The following INPPL1 variants were observed in gnomAD, a reference collection of about 807,000 sequenced individuals.
The protein encoded by INPPL1 is inositol polyphosphate phosphatase like 1.
In INPPL1, 91 loss-of-function variants were observed where a neutral mutation model predicts 139.3. The observed-to-expected ratio is 0.65, with a 90% CI of 0.55 to 0.78. INPPL1 has a LOEUF of 0.78. INPPL1 is among the 30% of genes least tolerant of loss of function. The pLI is 0.00. For missense variants in INPPL1, 1,411 were observed against 1,665.6 expected (o/e 0.85, Z 2.66); for synonymous variants, 719 against 686.6 (o/e 1.05, Z -0.74).
chr11:72,233,007 G>T (rs917111718), intron 16 of INPPL1, 33 bp downstream of exon 16: 9 of 1,609,978 alleles, frequency 5.6e-6, no homozygotes, highest in African/African-American at 1.3e-5. Context: ...GTGATCTGAG[G>T]GCTAGGAGAC....
At chr11:72,231,416 C>T in intron 12 of INPPL1, 82 bp from the exon 13 acceptor site, 1 of 1,173,598 alleles carries the variant, frequency 8.5e-7, no homozygotes, top group Non-Finnish European at 1.3e-6. Flanking sequence ...CTGTGATGGA[C>T]ACAAAAGTCT....
At position 72,233,457 on chromosome 11, in the gene INPPL1, C is replaced by G. The variant is rs1397855924; in HGVS notation, c.2057C>G (p.Pro686Arg). Reference sequence around the variant, plus strand: ...CTGCCCCAGGTCCGGACCAATGTGCCCTCATGGTGTGACCGGATTCTGTGG... The same window carrying G: ...CTGCCCCAGGTCCGGACCAATGTGCGCTCATGGTGTGACCGGATTCTGTGG... ...QKPTGVRTNV[P>R]SWCDRILWKS... Residue 686 changes from proline to arginine, a missense_variant, in exon 18 of 28, where the codon CCC becomes CGC. Physicochemically the swap from Pro to Arg is moderately radical, Grantham distance 103. Coordinates refer to ENST00000298229, the MANE Select transcript of INPPL1 (RefSeq NM_001567.4). The G allele has an allele frequency of 6.2e-7, 1 of 1,614,062 alleles. No homozygotes were observed. The highest frequency in any genetic ancestry group is 8.5e-7 in the Non-Finnish European group (1 of 1,180,026).
At chr11:72,226,269 C>T (rs1948671255) in intron 1 of INPPL1, among the ~76,000 whole-genome samples, 1 of 151,528 alleles carries the variant, frequency 6.6e-6, no homozygotes, top group Non-Finnish European at 1.5e-5. Context: ...CAACCTCCGC[C>T]TCCTGGATTC....
Position 72,229,593 on chromosome 11 carries a change from G to A in INPPL1, c.753+35G>A, listed in dbSNP as rs771023319. 7.4e-6 allele frequency: 12 copies of A among 1,612,448 alleles called. No individual in the cohort carries two copies. In the Middle Eastern group the frequency reaches 1.5e-3, roughly 200 times the overall value. On this transcript the variant is annotated intron_variant, in intron 6 of 27. Transcript: ENST00000298229. ...AGGGAGACCTCTGGGAGGTGCGTTC[G>A]TGTTCTGGAGCTGGGTGGGAGGCTC...
rs1174127004 is a variant in INPPL1 at position 72,229,973 on chromosome 11, A to C, written c.893A>C (p.Gln298Pro). The C allele has an allele frequency of 1.2e-6, 2 of 1,614,180 alleles. No individual in the cohort carries two copies. Among genetic ancestry groups the C allele is most frequent in the Admixed American group, 3.3e-5 (2 of 60,032 alleles). Residue 298 changes from glutamine to proline, a missense_variant, in exon 8 of 28, where the codon CAG becomes CCG. This residue lies in a region of INPPL1 where 504 missense variants were observed against 595.6 expected (regional missense o/e 0.85). Coordinates refer to ENST00000298229, the MANE Select transcript of INPPL1 (RefSeq NM_001567.4). ...DMSSTAPPAPQPSTRKAKTIP... is the reference protein window; with the variant it reads ...DMSSTAPPAPPPSTRKAKTIP... The stretch of plus-strand genomic sequence containing the variant: ...AGCTCCACAGCACCCCCAGCTCCGC[A>C]GCCATCCACACGTAAGGCCAAGACC...
At position 72,232,764 on chromosome 11, in the gene INPPL1, G is replaced by C; in HGVS notation, c.1851G>C (p.Gln617His). The C allele has an allele frequency of 6.2e-7, 1 of 1,614,024 alleles. No individual in the cohort carries two copies. The highest frequency in any genetic ancestry group is 1.6e-4 in the Middle Eastern group (1 of 6,062). The change falls in exon 15 of 28, where the codon CAG (glutamine) becomes CAC (histidine). Residue 617 changes from glutamine (Q) to histidine (H), a missense_variant and splice_region_variant. By Grantham distance (24) the Gln-to-His change is conservative (BLOSUM62 0). Coordinates refer to ENST00000298229, the MANE Select transcript of INPPL1 (RefSeq NM_001567.4). ...ACTACCGCCTGGACATGGATATCCAGGTGCGAGCAGGGCCCTGCCATGGCT... is the reference window on the plus strand; with the variant it reads ...ACTACCGCCTGGACATGGATATCCACGTGCGAGCAGGGCCCTGCCATGGCT... ...DLNYRLDMDI[Q>H]EILNYISRKE...
In INPPL1 at chr11:72,233,681, G is replaced by A. The variant is rs1395218564; in HGVS notation, c.2149G>A (p.Asp717Asn). The A allele has an allele frequency of 2.5e-6, 4 of 1,613,956 alleles. No individual in the cohort carries two copies. Among genetic ancestry groups the A allele is most frequent in the East Asian group, 2.2e-5 (1 of 44,894 alleles). The change falls in exon 19 of 28, where the codon GAC (aspartate) becomes AAC (asparagine). Residue 717 changes from aspartate to asparagine, a missense_variant. This residue lies in a region of INPPL1 where 363 missense variants were observed against 446.2 expected (regional missense o/e 0.81). Coordinates refer to ENST00000298229, the MANE Select transcript of INPPL1 (RefSeq NM_001567.4). Reference protein sequence around the residue: ...YGCTDDIVTSDHSPVFGTFEV... With the variant: ...YGCTDDIVTSNHSPVFGTFEV... ...TTGCACTGATGACATCGTCACCAGC[G>A]ACCATTCCCCCGTGTTTGGGACATT...
Position 72,232,886 on chromosome 11 carries a change from C to T in INPPL1, c.1863C>T (p.Asn621=). The change falls in exon 16 of 28, where the codon AAC becomes AAT. Residue 621 remains asparagine, a synonymous_variant. Coordinates refer to ENST00000298229, the MANE Select transcript of INPPL1 (RefSeq NM_001567.4). The part of the protein sequence containing the change: ...RLDMDIQEIL[N]YISRKEFEPL... ...GTCCTCCACCCCAGGAGATCCTGAA[C>T]TACATCAGCAGGAAAGAGTTTGAGC... The T allele has an allele frequency of 6.2e-7, 1 of 1,614,118 alleles. No individual in the cohort carries two copies. The highest frequency in any genetic ancestry group is 1.1e-5 in the South Asian group (1 of 91,080).
At position 72,224,899 on chromosome 11, in the gene INPPL1, G is replaced by T; in HGVS notation, c.-86G>T. The T allele has an allele frequency of 1.1e-6, 1 of 948,298 alleles. No homozygotes were observed. Among genetic ancestry groups the T allele is most frequent in the Non-Finnish European group, 1.3e-6 (1 of 786,044 alleles). 58.7% of individuals were successfully genotyped at this position (948,298 alleles called of 1,614,324 possible). ...CACGGATCCTCAAGCCCGGGCCCCGGGCCCGGCCCCAGCCTCAGCCCTGAG... is the reference window on the plus strand; with the variant it reads ...CACGGATCCTCAAGCCCGGGCCCCGTGCCCGGCCCCAGCCTCAGCCCTGAG... On this transcript the variant is annotated 5_prime_UTR_variant, in exon 1 of 28. Coordinates refer to ENST00000298229, the MANE Select transcript of INPPL1 (RefSeq NM_001567.4).
rs746371096 is a variant in INPPL1, at chr11:72,234,732, A to AGAGTGTGT, written c.2415+118_2415+119insAGTGTGTG. On this transcript the variant is annotated intron_variant, in intron 21 of 27. Coordinates refer to ENST00000298229, the MANE Select transcript of INPPL1 (RefSeq NM_001567.4). The surrounding 1 kb of genome is among the most constrained non-coding windows in gnomAD (Gnocchi z 4.2). ...GGGGCCAGCAGAGAGAGAGAGAGAG[A>AGAGTGTGT]GTGTGTGTGTGTGTGTGTGTGTGTG... The AGAGTGTGT allele has an allele frequency of 7.5e-4, 394 of 528,426 alleles. 1 individual carries two copies. The highest frequency in any genetic ancestry group is 5.1e-3 in the African/African-American group (249 of 48,572). 32.7% of individuals were successfully genotyped at this position (528,426 alleles called of 1,614,324 possible).
chr11:72,223,727 G>C (rs1292684919), upstream of INPPL1: 3 of 151,876 alleles, frequency 2.0e-5, no homozygotes, highest in South Asian at 2.0e-4. Flanking sequence ...GCGGGAAGCC[G>C]ACGCTCAACC....
intron 25 of INPPL1, among the ~76,000 whole-genome samples, chr11:72,236,302 G>A (rs894008286): frequency 7.9e-5 from 12 of 152,224 alleles, no homozygotes; most frequent in East Asian, 7.7e-4. Flanking sequence ...CACATGGCTC[G>A]GCCTGGGATT....
At position 72,238,043 on chromosome 11, in the gene INPPL1, C is replaced by G. The variant is rs769044302; in HGVS notation, c.3554C>G (p.Ala1185Gly). Reference sequence around the variant, plus strand: ...CCCTGACATGCCCTGTTTCCTTAGGCTCCGTGCCTGCAGGGCGGGCGGGCC... The same window carrying G: ...CCCTGACATGCCCTGTTTCCTTAGGGTCCGTGCCTGCAGGGCGGGCGGGCC... ...ESIQEDLAEE[A>G]PCLQGGRASG... Residue 1185 changes from alanine to glycine, a missense_variant and splice_region_variant, in exon 27 of 28, where the codon GCT (alanine) becomes GGT (glycine). Ala to Gly is a moderately conservative substitution (Grantham distance 60). Around this residue, in one of 5 missense-constraint regions of INPPL1, gnomAD observed 438 missense variants for 425.7 expected, o/e 1.03. Transcript: ENST00000298229. 2 of 1,538,532 alleles carry G rather than the reference C, an allele frequency of 1.3e-6. No individual in the cohort carries two copies. Among genetic ancestry groups the G allele is most frequent in the Admixed American group, 2.0e-5 (1 of 49,578 alleles).
At position 72,230,245 on chromosome 11, in the gene INPPL1, A is replaced by G; in HGVS notation, c.1064A>G (p.Asp355Gly). 2 of 1,609,206 alleles carry G rather than the reference A, an allele frequency of 1.2e-6. No individual in the cohort carries two copies. Among genetic ancestry groups the G allele is most frequent in the Non-Finnish European group, 1.7e-6 (2 of 1,176,836 alleles). The change falls in exon 9 of 28, where the codon GAC becomes GGC. Residue 355 changes from aspartate to glycine, a missense_variant. Physicochemically the swap from Asp to Gly is moderately conservative, Grantham distance 94. Around this residue, in one of 5 missense-constraint regions of INPPL1, gnomAD observed 504 missense variants for 595.6 expected, o/e 0.85. Coordinates refer to ENST00000298229, the MANE Select transcript of INPPL1 (RefSeq NM_001567.4). ...CGGAGACAGCGGGACTCCCAGGAGG[A>G]CTGGACCACCTTCACGCACGACCGC... is the stretch of plus-strand genomic sequence containing the variant. ...LLRRQRDSQE[D>G]WTTFTHDRIR...
Position 72,228,689 on chromosome 11 carries a change from G to A in INPPL1, c.398-38G>A. The A allele has an allele frequency of 6.2e-7, 1 of 1,600,516 alleles. No homozygotes were observed. The highest frequency in any genetic ancestry group is 8.5e-7 in the Non-Finnish European group (1 of 1,173,004). On this transcript the variant is annotated intron_variant, in intron 3 of 27. Coordinates refer to ENST00000298229, the MANE Select transcript of INPPL1 (RefSeq NM_001567.4). This position sits in a 1 kb window ranked among gnomAD's most constrained non-coding sequence, Gnocchi z 5.0. The stretch of plus-strand genomic sequence containing the variant: ...CGTGCCTCCTACTCCACTGAGTGTG[G>A]GAGGCCCAAACGGCTGCCCACTGAC...
Position 72,228,937 on chromosome 11 carries a change from C to A in INPPL1, c.518+90C>A. 1 of 1,521,274 alleles carries A rather than the reference C, an allele frequency of 6.6e-7. No individual in the cohort carries two copies. The highest frequency in any genetic ancestry group is 2.3e-5 in the East Asian group (1 of 43,956). The allele number at this position is 1,521,274 out of a possible 1,614,324, so 94.2% of individuals were successfully genotyped here. ...AAAGGTGGGGAGGCCTTCTAAGACC[C>A]CACCAGGGACCCCCACCCCACCTCA... is the stretch of plus-strand genomic sequence containing the variant. On this transcript the variant is annotated intron_variant, in intron 4 of 27. Coordinates refer to ENST00000298229, the MANE Select transcript of INPPL1 (RefSeq NM_001567.4). This position sits in a 1 kb window ranked among gnomAD's most constrained non-coding sequence, Gnocchi z 5.0.
chr11:72,234,730 AGAGTGTGTGTGTGTGTGTGT>A lies in INPPL1; in HGVS notation c.2415+117_2415+136del. On this transcript the variant is annotated intron_variant, in intron 21 of 27. Coordinates refer to ENST00000298229, the MANE Select transcript of INPPL1 (RefSeq NM_001567.4). This position sits in a 1 kb window ranked among gnomAD's most constrained non-coding sequence, Gnocchi z 4.2. ...GTGGGGCCAGCAGAGAGAGAGAGAG[AGAGTGTGTGTGTGTGTGTGT>A]GTGTGTGTGTGTGTATGGGCATGGG... 2 of 567,914 alleles carry A rather than the reference AGAGTGTGTGTGTGTGTGTGT, an allele frequency of 3.5e-6. No individual in the cohort carries two copies. The allele number at this position is 567,914 out of a possible 1,614,324, so 35.2% of individuals were successfully genotyped here.
Position 72,224,907 on chromosome 11 carries a change from C to T in INPPL1, c.-78C>T, listed in dbSNP as rs1948623791. On this transcript the variant is annotated 5_prime_UTR_variant, in exon 1 of 28. Transcript: ENST00000298229. ...CTCAAGCCCGGGCCCCGGGCCCGGC[C>T]CCAGCCTCAGCCCTGAGCGTCTCGG... 3.1e-6 allele frequency: 3 copies of T among 983,000 alleles called. No individual in the cohort carries two copies. Among genetic ancestry groups the T allele is most frequent in the Non-Finnish European group, 3.7e-6 (3 of 816,980 alleles). The allele number at this position is 983,000 out of a possible 1,614,324, so 60.9% of individuals were successfully genotyped here. A position where few individuals can be genotyped will look rare whatever the true frequency, so the allele number is the denominator to read the frequency against.
Position 72,238,246 on chromosome 11 carries a change from C to G in INPPL1, c.3687-17C>G, listed in dbSNP as rs375202715. Reference sequence around the variant, plus strand: ...TCCCCTTGCCCATCTCACTTCCCAGCCTGTTTTACTCCACAGTGACATCAC... The same window carrying G: ...TCCCCTTGCCCATCTCACTTCCCAGGCTGTTTTACTCCACAGTGACATCAC... On this transcript the variant is annotated splice_polypyrimidine_tract_variant and intron_variant, in intron 27 of 27. Transcript: ENST00000298229. The G allele has an allele frequency of 1.7e-5, 27 of 1,613,564 alleles. No individual in the cohort carries two copies. The East Asian group carries it at 5.8e-4, about 35-fold the overall frequency.
Sources: allele counts gnomAD v4.1 joint callset (sites outside exome capture counted in the v4.1 genomes callset), GRCh38; gene constraint gnomAD v4.1.1; regional missense constraint gnomAD v4.1.1; non-coding constraint Gnocchi (gnomAD v3.1); transcripts MANE v1.5; gene names NCBI Gene and HGNC (gene_info 2026-07-23, HGNC 2026-07-21).